Variants in PIK3C2B observed in about 807,000 individuals in gnomAD.
PIK3C2B encodes phosphatidylinositol 4-phosphate 3-kinase C2 domain-containing subunit beta.
In PIK3C2B, 83 loss-of-function variants were observed where a neutral mutation model predicts 184.3. That is an observed-to-expected ratio of 0.45 (90% CI 0.38 to 0.54). The LOEUF (loss-of-function observed/expected upper bound fraction) is 0.54, where lower values mean the gene tolerates loss of function less well. Among genes scored for constraint, PIK3C2B ranks in the 20% least tolerant of loss-of-function variants. The pLI is 0.00. For synonymous variants in PIK3C2B, 779 were observed against 837.6 expected (o/e 0.93, Z 1.21); for missense variants, 1,736 against 2,113.5 (o/e 0.82, Z 3.50).
Position 204,465,436 on chromosome 1 carries a change from C to T in PIK3C2B, c.934-117G>A, listed in dbSNP as rs61761692. 0.015 allele frequency: 10,056 copies of T among 677,100 alleles called. 702 individuals are homozygous for T. The African/African-American group carries it at 0.16, about 10-fold the overall frequency. The allele number at this position is 677,100 out of a possible 1,614,324, so 41.9% of individuals were successfully genotyped here. ...AAAAGACTTTCTAGTCACTCGACATCCAATGAAAGGGGCACAAGAACATAT... is the reference window on the plus strand; with the variant it reads ...AAAAGACTTTCTAGTCACTCGACATTCAATGAAAGGGGCACAAGAACATAT... On this transcript the variant is annotated intron_variant, in intron 2 of 32. Transcript: ENST00000684373.
chr1:204,455,063 T>C (rs1654716484), intron 11 of PIK3C2B, among the ~76,000 whole-genome samples: 1 of 152,266 alleles, frequency 6.6e-6, no homozygotes, highest in Non-Finnish European at 1.5e-5. Flanking sequence ...CCACCCAGCC[T>C]CTTTATAGAA....
intron 22 of PIK3C2B, 28 bp from the exon 23 acceptor site, chr1:204,439,099 TC>T (rs1558238119): frequency 6.2e-7 from 1 of 1,609,794 alleles, no homozygotes; most frequent in East Asian, 2.2e-5. Flanking sequence ...GGGGTCACGT[TC>T]CAGACCAGAA....
rs1484125733 is a variant in PIK3C2B at position 204,431,776 on chromosome 1, C to T, written c.4173G>A (p.Val1391=). 1 of 1,614,102 alleles carries T rather than the reference C, an allele frequency of 6.2e-7. No individual in the cohort carries two copies. The part of the protein sequence containing the change: ...PNKGYIYVVK[V]MRENTHEATY... ...TGGCCTCGTGAGTGTTCTCTCGCAT[C>T]ACCTTTACCACATATATCTGCAAAG... Residue 1391 remains valine (V), a synonymous_variant, in exon 28 of 33, where the codon GTG becomes GTA. Transcript: ENST00000684373.
At chr1:204,440,113 C>T (rs1033475056) in intron 22 of PIK3C2B, 79 bp downstream of exon 22, 3 of 1,432,244 alleles carry the variant, frequency 2.1e-6, no homozygotes, top group South Asian at 1.3e-5. Context: ...GAGGAGGACA[C>T]AGTTTGTGTT....
intron 29 of PIK3C2B, chr1:204,429,040 T>C (rs921307714): frequency 3.9e-4 from 139 of 357,966 alleles, no homozygotes; most frequent in African/African-American, 2.6e-3. Flanking sequence ...CCTGGTGACA[T>C]AGTAAAACCC....
rs949267038 is a variant in PIK3C2B at position 204,447,948 on chromosome 1, C to T, written c.2347-370G>A. ...GACTTCCATGGGGTGCCAGAGGACA[C>T]TGCTGCCAGAGGGGAGGCAAGACCA... On this transcript the variant is annotated intron_variant, in intron 14 of 32. Coordinates refer to ENST00000684373, the MANE Select transcript of PIK3C2B (RefSeq NM_001377334.1). This position sits in a 1 kb window ranked among gnomAD's most constrained non-coding sequence, Gnocchi z 4.1. Among the ~76,000 whole-genome samples the T allele has an allele frequency of 1.3e-5, 2 of 152,102 alleles. No individual in the cohort carries two copies. Among genetic ancestry groups the T allele is most frequent in the East Asian group, 3.9e-4 (2 of 5,170 alleles).
chr1:204,469,496 G>A lies in PIK3C2B; in HGVS notation c.307C>T (p.Pro103Ser), dbSNP rs1656117104. The change falls in exon 2 of 33, where the codon CCC (proline) becomes TCC (serine). Residue 103 changes from proline to serine, a missense_variant. Transcript: ENST00000684373. Reference sequence around the variant, plus strand: ...GGCCCTTGGGAGGTAGAGTGGTTGGGCGGCCCTTCCTGTGGGGAGAGTGAG... The same window carrying A: ...GGCCCTTGGGAGGTAGAGTGGTTGGACGGCCCTTCCTGTGGGGAGAGTGAG... ...YNSLSPQEGP[P>S]NHSTSQGPQP... 6.2e-7 allele frequency: 1 copy of A among 1,607,702 alleles called. No individual in the cohort carries two copies. Among genetic ancestry groups the A allele is most frequent in the Non-Finnish European group, 8.5e-7 (1 of 1,176,862 alleles).
chr1:204,425,843 C>A, intron 31 of PIK3C2B, 102 bp from the exon 32 acceptor site: 1 of 1,107,656 alleles, frequency 9.0e-7, no homozygotes, highest in Non-Finnish European at 1.3e-6. Context: ...CATCTGCCAT[C>A]TGGCATCTTG....
At chr1:204,451,153 C>G (rs1179510569) in intron 12 of PIK3C2B, among the ~76,000 whole-genome samples, 1 of 152,238 alleles carries the variant, frequency 6.6e-6, no homozygotes, top group Non-Finnish European at 1.5e-5. Context: ...CATGCCAGGC[C>G]AGGGCTTGGC....
chr1:204,466,491 G>GGGT (rs1655807115), intron 2 of PIK3C2B, among the ~76,000 whole-genome samples: 1 of 152,008 alleles, frequency 6.6e-6, no homozygotes, highest in African/African-American at 2.4e-5. Flanking sequence ...GCGGGGGGTG[G>GGGT]GGGTGCACAG....
chr1:204,446,516 C>A (rs1318107332), intron 15 of PIK3C2B, among the ~76,000 whole-genome samples: 1 of 152,236 alleles, frequency 6.6e-6, no homozygotes, highest in Non-Finnish European at 1.5e-5. Context: ...GAATCTGCTA[C>A]CCCTCCTGCG....
chr1:204,464,931 C>T (rs898912138), intron 3 of PIK3C2B, among the ~76,000 whole-genome samples: 2 of 152,138 alleles, frequency 1.3e-5, no homozygotes, highest in Non-Finnish European at 2.9e-5. Flanking sequence ...ACACTCTTAT[C>T]GCCAGCTGGG....
chr1:204,429,611 A>G (rs936590923), intron 29 of PIK3C2B, among the ~76,000 whole-genome samples: 1 of 152,010 alleles, frequency 6.6e-6, no homozygotes, highest in Admixed American at 6.6e-5. Flanking sequence ...TACATACTCA[A>G]CCTGCTCAAA....
chr1:204,450,224 A>G (rs570333693), intron 12 of PIK3C2B: 34 of 531,488 alleles, frequency 6.4e-5, no homozygotes, highest in South Asian at 4.8e-4. Context: ...CAGAAGCACA[A>G]TGTGGTGTCC....
At chr1:204,456,237 G>A in intron 10 of PIK3C2B, 186 bp from the exon 11 acceptor site, 1 of 470,952 alleles carries the variant, frequency 2.1e-6, no homozygotes, top group Admixed American at 3.9e-5. Context: ...CATGTCATGA[G>A]CTTTTCATAA....
chr1:204,445,379 A>C (rs1470681068), intron 16 of PIK3C2B, among the ~76,000 whole-genome samples: 1 of 152,124 alleles, frequency 6.6e-6, no homozygotes, highest in Admixed American at 6.5e-5. Flanking sequence ...GCATTGCTTG[A>C]ACCCAGGAGT....
chr1:204,466,794 G>A (rs771313516), intron 2 of PIK3C2B: 37 of 523,846 alleles, frequency 7.1e-5, no homozygotes, highest in Non-Finnish European at 1.1e-4. Flanking sequence ...GCAGGCCCTG[G>A]TGGCATCACC....
At chr1:204,472,652 C>A (rs186241598) in intron 1 of PIK3C2B, among the ~76,000 whole-genome samples, 1 of 152,004 alleles carries the variant, frequency 6.6e-6, no homozygotes, top group East Asian at 1.9e-4. Flanking sequence ...TGGTGGCACA[C>A]GTCTATAATC....
chr1:204,494,283 C>G (rs975724294), intron 1 of PIK3C2B, 73 bp downstream of exon 1: 1 of 152,342 alleles, frequency 6.6e-6, no homozygotes, highest in Non-Finnish European at 1.5e-5. Flanking sequence ...AGCCCCCTGA[C>G]CTCGGCTGCC....
Sources: allele counts gnomAD v4.1 joint callset (sites outside exome capture counted in the v4.1 genomes callset), GRCh38; gene constraint gnomAD v4.1.1; non-coding constraint Gnocchi (gnomAD v3.1); transcripts MANE v1.5; gene names NCBI Gene and HGNC (gene_info 2026-07-23, HGNC 2026-07-21).